The following CPVL variants were observed in gnomAD, a reference collection of about 807,000 sequenced individuals.
CPVL encodes the protein probable serine carboxypeptidase CPVL.
Under a neutral mutation model 63.7 loss-of-function variants are expected in CPVL, and 51 were observed. The observed-to-expected ratio is 0.80, with a 90% confidence interval of 0.64 to 1.01. CPVL has a LOEUF of 1.01. CPVL is among the 50% of genes least tolerant of loss of function. The probability of loss-of-function intolerance (pLI) is 0.00; values close to 1 mark genes in which losing one functional copy is unlikely to be tolerated. For missense variants in CPVL, 530 were observed against 573.1 expected (o/e 0.92, Z 0.77); for synonymous variants, 195 against 206.0 (o/e 0.95, Z 0.46).
At chr7:29,164,779 C>CAAAAAAAAAAAAAAAAAAAAAAAAAAAAA (rs55742522) in intron 5 of CPVL, among the ~76,000 whole-genome samples, 1 of 85,880 alleles carries the variant, frequency 1.2e-5, no homozygotes. Flanking sequence ...AGACCTGTCT[C>CAAAAAAAAAAAAAAAAAAAAAAAAAAAAA]AAAAAAAAAA....
chr7:29,133,951 G>A (rs1051848321), intron 1 of CPVL, among the ~76,000 whole-genome samples: 23 of 152,210 alleles, frequency 1.5e-4, no homozygotes, highest in African/African-American at 5.5e-4. Context: ...ATTGGCAAGA[G>A]TCTATAACAG....
intron 12 of CPVL, among the ~76,000 whole-genome samples, chr7:28,996,744 A>G (rs941294059): frequency 4.6e-5 from 7 of 152,166 alleles, no homozygotes; most frequent in Admixed American, 3.9e-4. Context: ...GCTTTCTCAC[A>G]TAAGGGTGCC....
chr7:29,019,971 T>C (rs1334714041), intron 12 of CPVL, among the ~76,000 whole-genome samples: 1 of 152,132 alleles, frequency 6.6e-6, no homozygotes, highest in Non-Finnish European at 1.5e-5. Context: ...GCCAGAGGAG[T>C]ACCATTTCAT....
rs952514578 is a variant in CPVL, at chr7:29,184,634, T to G, written c.-261-86A>C. On this transcript the variant is annotated intron_variant, in intron 3 of 16. Coordinates refer to the CPVL transcript ENST00000409850. Reference sequence around the variant, plus strand: ...TCTCAAGGGAGGGTCAGCCTTTCTGTTTTCTCCAGGCCTTCAACTGATGTG... The same window carrying G: ...TCTCAAGGGAGGGTCAGCCTTTCTGGTTTCTCCAGGCCTTCAACTGATGTG... The G allele has an allele frequency of 2.0e-5, 3 of 152,290 alleles. No individual in the cohort carries two copies. In the East Asian group the frequency reaches 5.8e-4, roughly 29 times the overall value. 9.4% of individuals were successfully genotyped at this position (152,290 alleles called of 1,614,324 possible). A position where few individuals can be genotyped will look rare whatever the true frequency, so the allele number is the denominator to read the frequency against.
intron 1 of CPVL, among the ~76,000 whole-genome samples, chr7:29,136,230 T>G (rs757459301): frequency 4.6e-5 from 7 of 152,180 alleles, no homozygotes; most frequent in South Asian, 4.1e-4. Context: ...GATATTACAG[T>G]TCTGTCAGCA....
At chr7:29,016,496 A>T (rs57023341) in intron 12 of CPVL, among the ~76,000 whole-genome samples, 2,978 of 152,242 alleles carry the variant, frequency 0.02, 95 homozygotes, top group African/African-American at 0.068. Context: ...CAGAACAGTC[A>T]AGCTTCAGGG....
At chr7:29,068,007 CT>C (rs773666067) in intron 9 of CPVL, among the ~76,000 whole-genome samples, 357 of 141,218 alleles carry the variant, frequency 2.5e-3, no homozygotes, top group Admixed American at 3.1e-3. Context: ...TATTCATATT[CT>C]TTTTTTTTTT....
intron 9 of CPVL, among the ~76,000 whole-genome samples, chr7:29,067,619 A>G (rs1285719483): frequency 1.3e-5 from 2 of 152,216 alleles, no homozygotes; most frequent in African/African-American, 4.8e-5. Context: ...AGAAGAAAAT[A>G]GTCACAGAAG....
chr7:28,995,638 A>C lies in CPVL; in HGVS notation c.*134T>G, dbSNP rs1264765667. On this transcript the variant is annotated 3_prime_UTR_variant, in exon 13 of 13. Coordinates refer to ENST00000265394, the MANE Select transcript of CPVL (RefSeq NM_031311.5). ...CCAAAAACAAAAGCTCACTTGTTTCAAGGATAATTTTTATTGATGAAAAAA... is the reference window on the plus strand; with the variant it reads ...CCAAAAACAAAAGCTCACTTGTTTCCAGGATAATTTTTATTGATGAAAAAA... 2 of 644,786 alleles carry C rather than the reference A, an allele frequency of 3.1e-6. No individual in the cohort carries two copies. The highest frequency in any genetic ancestry group is 5.8e-5 in the East Asian group (2 of 34,454). The allele number at this position is 644,786 out of a possible 1,614,324, so 39.9% of individuals were successfully genotyped here.
intron 3 of CPVL, among the ~76,000 whole-genome samples, chr7:29,105,537 G>C (rs971418182): frequency 9.2e-5 from 14 of 152,168 alleles, no homozygotes; most frequent in Middle Eastern, 3.2e-3. Context: ...CGTTCCTTAG[G>C]CCAGACCACA....
At chr7:29,074,616 T>G (rs1046907721) in intron 7 of CPVL, among the ~76,000 whole-genome samples, 1 of 151,672 alleles carries the variant, frequency 6.6e-6, no homozygotes, top group African/African-American at 2.4e-5. Flanking sequence ...AGGGATCTGG[T>G]GGGAGGTGAT....
Position 29,066,935 on chromosome 7 carries a change from T to A in CPVL, c.865-814A>T, listed in dbSNP as rs1727420700. Among the ~76,000 whole-genome samples the A allele has an allele frequency of 2.6e-5, 4 of 152,168 alleles. No individual in the cohort carries two copies. The South Asian group carries it at 8.3e-4, about 32-fold the overall frequency. Reference sequence around the variant, plus strand: ...GAAGAAATGCAAAAGAGCTTTGGGCTTGGAAATGTATGGAATGACTGACCC... The same window carrying A: ...GAAGAAATGCAAAAGAGCTTTGGGCATGGAAATGTATGGAATGACTGACCC... On this transcript the variant is annotated intron_variant, in intron 9 of 12. Coordinates refer to ENST00000265394, the MANE Select transcript of CPVL (RefSeq NM_031311.5).
At chr7:29,034,694 T>C (rs1788348443) in intron 11 of CPVL, among the ~76,000 whole-genome samples, 1 of 151,972 alleles carries the variant, frequency 6.6e-6, no homozygotes, top group Non-Finnish European at 1.5e-5. Context: ...GACCAGGTTA[T>C]GAGACTGGCT....
Position 29,024,887 on chromosome 7 carries a change from A to G in CPVL, c.1320+5690T>C, listed in dbSNP as rs146756270. Among the ~76,000 whole-genome samples, 823 of 152,352 alleles carry G rather than the reference A, an allele frequency of 5.4e-3. 5 individuals are homozygous for G. Among genetic ancestry groups the G allele is most frequent in the African/African-American group, 0.019 (778 of 41,586 alleles). ...TGAAAAGACGATACCTACCATCAAG[A>G]AAACATGAAAGTATAAACTCACTGG... is the stretch of plus-strand genomic sequence containing the variant. On this transcript the variant is annotated intron_variant, in intron 12 of 12. Coordinates refer to ENST00000265394, the MANE Select transcript of CPVL (RefSeq NM_031311.5).
intron 11 of CPVL, among the ~76,000 whole-genome samples, chr7:29,051,131 C>T (rs533328563): frequency 2.0e-5 from 3 of 152,238 alleles, no homozygotes; most frequent in African/African-American, 7.2e-5. Flanking sequence ...AAATCTAAAA[C>T]CTGAAACTAT....
At chr7:29,046,085 C>CTTTTTT (rs1233373004) in intron 11 of CPVL, among the ~76,000 whole-genome samples, 1 of 135,350 alleles carries the variant, frequency 7.4e-6, no homozygotes. Context: ...CTAGATGAAC[C>CTTTTTT]TTTTTTTTTT....
intron 5 of CPVL, among the ~76,000 whole-genome samples, chr7:29,169,882 A>G (rs188587367): frequency 0.018 from 2,461 of 134,562 alleles, 18 homozygotes; most frequent in Middle Eastern, 0.033. Context: ...GTGTGTGTGT[A>G]TATATATATG....
At chr7:29,162,158 A>G (rs1293116420) in intron 5 of CPVL, among the ~76,000 whole-genome samples, 1 of 152,232 alleles carries the variant, frequency 6.6e-6, no homozygotes, top group African/African-American at 2.4e-5. Flanking sequence ...ACTGAACAAC[A>G]GTACCTCTGG....
intron 12 of CPVL, among the ~76,000 whole-genome samples, 196 bp downstream of exon 12, chr7:29,030,381 G>A (rs1787906392): frequency 6.6e-6 from 1 of 151,960 alleles, no homozygotes. Flanking sequence ...CTAAACTTTT[G>A]TCTGGTTTTA....
Sources: allele counts gnomAD v4.1 joint callset (sites outside exome capture counted in the v4.1 genomes callset), GRCh38; gene constraint gnomAD v4.1.1; transcripts MANE v1.5; gene names NCBI Gene and HGNC (gene_info 2026-07-23, HGNC 2026-07-21).